NFIB: variants seen among roughly 807,000 people sequenced by gnomAD.
NFIB encodes the protein nuclear factor 1 B-type.
Under a neutral mutation model 61.5 loss-of-function variants are expected in NFIB, and 11 were observed. That is an observed-to-expected ratio of 0.18 (90% CI 0.11 to 0.30). The LOEUF is 0.30. NFIB is among the 10% of genes least tolerant of loss of function. The pLI, the probability that NFIB is intolerant of heterozygous loss-of-function variation, is 1.00. For missense variants in NFIB, 471 were observed against 608.9 expected, an observed-to-expected ratio of 0.77 and a Z score of 2.38; for synonymous variants, 260 against 216.5, an observed-to-expected ratio of 1.20 and a Z score of -1.76.
intron 2 of NFIB, among the ~76,000 whole-genome samples, chr9:14,221,088 T>G (rs2051611330): frequency 6.6e-6 from 1 of 152,158 alleles, no homozygotes. Context: ...CAGGAGTCTC[T>G]GCCCCTCCGA....
At chr9:14,406,754 T>C in the NFIB span, among the ~76,000 whole-genome samples, 2 of 152,202 alleles carry the variant, frequency 1.3e-5, no homozygotes, top group South Asian at 2.1e-4. Flanking sequence ...ATGGACTGTG[T>C]CTCCACTTGC....
At chr9:14,325,510 G>A (rs569244043) in intron 1 of NFIB, among the ~76,000 whole-genome samples, 1 of 152,182 alleles carries the variant, frequency 6.6e-6, no homozygotes, top group Non-Finnish European at 1.5e-5. Flanking sequence ...TAAAAGGCTT[G>A]CATTATTACA....
At chr9:14,455,839 A>C in the NFIB span, among the ~76,000 whole-genome samples, 21 of 152,342 alleles carry the variant, frequency 1.4e-4, no homozygotes, top group East Asian at 3.9e-3. Flanking sequence ...CATTCTAAAA[A>C]AGAATTATGA....
chr9:14,374,608 A>G (rs1044812420), intron 1 of NFIB, among the ~76,000 whole-genome samples: 2 of 152,216 alleles, frequency 1.3e-5, no homozygotes, highest in Admixed American at 1.3e-4. Context: ...TCTTTTAAAA[A>G]TTGAATTAAT....
intron 1 of NFIB, among the ~76,000 whole-genome samples, chr9:14,390,754 T>C (rs1431767112): frequency 6.6e-6 from 1 of 152,194 alleles, no homozygotes; most frequent in Non-Finnish European, 1.5e-5. Flanking sequence ...AGTGAGAAGA[T>C]GGCCATCTAT....
chr9:14,216,561 T>A (rs2050947141), intron 2 of NFIB, among the ~76,000 whole-genome samples: 1 of 60,924 alleles, frequency 1.6e-5, no homozygotes, highest in South Asian at 4.9e-4. Context: ...TGTGTGTGTG[T>A]GTGTGTGTGT....
the NFIB span, among the ~76,000 whole-genome samples, chr9:14,419,746 C>A: frequency 1.3e-5 from 2 of 152,128 alleles, no homozygotes; most frequent in African/African-American, 4.8e-5. Context: ...TTTGACAGTC[C>A]TCAGTGGCAT....
chr9:14,384,136 T>C (rs541817583), intron 1 of NFIB, among the ~76,000 whole-genome samples: 22 of 152,208 alleles, frequency 1.4e-4, no homozygotes, highest in African/African-American at 5.3e-4. Flanking sequence ...TTTGGAAAAA[T>C]ATCGACTGCA....
intron 7 of NFIB, among the ~76,000 whole-genome samples, chr9:14,121,010 C>G (rs926493876): frequency 6.6e-6 from 1 of 152,196 alleles, no homozygotes; most frequent in Non-Finnish European, 1.5e-5. Context: ...CACCTGTAAT[C>G]CCAGCACTTT....
At chr9:14,458,135 C>A in the NFIB span, among the ~76,000 whole-genome samples, 1 of 152,124 alleles carries the variant, frequency 6.6e-6, no homozygotes, top group African/African-American at 2.4e-5. Context: ...ACTGGCAAAC[C>A]AAATCCAGCA....
At chr9:14,475,801 T>C in the NFIB span, among the ~76,000 whole-genome samples, 13 of 152,246 alleles carry the variant, frequency 8.5e-5, no homozygotes, top group East Asian at 2.5e-3. Context: ...TCTCACAAAA[T>C]TTATGGTTTT....
chr9:14,407,911 T>C, the NFIB span, among the ~76,000 whole-genome samples: 1 of 152,158 alleles, frequency 6.6e-6, no homozygotes, highest in African/African-American at 2.4e-5. Context: ...GGTCTTGAAC[T>C]CTTGGCCTCA....
At chr9:14,164,101 T>C (rs10810100) in intron 3 of NFIB, among the ~76,000 whole-genome samples, 9,813 of 150,490 alleles carry the variant, frequency 0.065, 913 homozygotes, top group African/African-American at 0.21. Flanking sequence ...AAAGCTGAAA[T>C]TAACAGAATA....
intron 2 of NFIB, among the ~76,000 whole-genome samples, chr9:14,246,170 A>T (rs7048639): frequency 0.52 from 79,194 of 151,374 alleles, 23,363 homozygotes; most frequent in East Asian, 0.93. Context: ...AAAACTCGCC[A>T]GTCTAAAACC....
At chr9:14,442,054 T>G in the NFIB span, among the ~76,000 whole-genome samples, 4 of 152,146 alleles carry the variant, frequency 2.6e-5, no homozygotes, top group Non-Finnish European at 5.9e-5. Flanking sequence ...TCGGTATGAT[T>G]TTCTTCATCA....
intron 10 of NFIB, among the ~76,000 whole-genome samples, chr9:14,108,073 C>A (rs946908790): frequency 6.6e-6 from 1 of 152,168 alleles, no homozygotes; most frequent in Middle Eastern, 3.4e-3. Context: ...ATTTGCATAG[C>A]CATTATTTCG....
rs904053485 is a variant in NFIB at position 14,082,253 on chromosome 9, C to T, written c.*6056G>A. The T allele has an allele frequency of 2.9e-5, 6 of 203,968 alleles. No individual in the cohort carries two copies. The highest frequency in any genetic ancestry group is 1.4e-4 in the African/African-American group (6 of 43,652). The allele number at this position is 203,968 out of a possible 1,614,324, so 12.6% of individuals were successfully genotyped here. ...AAAATACAAGGTTCTGTATTTATGG[C>T]CCATGAGGACAAAATGCCAAAAGTT... On this transcript the variant is annotated 3_prime_UTR_variant, in exon 11 of 11. Transcript: ENST00000380953.
At chr9:14,476,336 A>G in the NFIB span, among the ~76,000 whole-genome samples, 2 of 151,814 alleles carry the variant, frequency 1.3e-5, no homozygotes, top group Non-Finnish European at 2.9e-5. Flanking sequence ...TCAATTTTTA[A>G]TTTATTTGTG....
chr9:14,313,932 T>G lies in NFIB; in HGVS notation c.-421A>C. 1 of 1,055,350 alleles carries G rather than the reference T, an allele frequency of 9.5e-7. No individual in the cohort carries two copies. The highest frequency in any genetic ancestry group is 1.1e-6 in the Non-Finnish European group (1 of 875,262). The allele number at this position is 1,055,350 out of a possible 1,614,324, so 65.4% of individuals were successfully genotyped here. On this transcript the variant is annotated 5_prime_UTR_variant, in exon 1 of 11. Coordinates refer to ENST00000380953, the MANE Select transcript of NFIB (RefSeq NM_001190737.2). This position sits in a 1 kb window ranked among gnomAD's most constrained non-coding sequence, Gnocchi z 4.5. Reference sequence around the variant, plus strand: ...GGGTGGTGGTTGGTGGTAAAATGCTTTTTCAAAAAAGGCGGGGAGGGGGGC... The same window carrying G: ...GGGTGGTGGTTGGTGGTAAAATGCTGTTTCAAAAAAGGCGGGGAGGGGGGC...
Sources: allele counts gnomAD v4.1 joint callset (sites outside exome capture counted in the v4.1 genomes callset), GRCh38; gene constraint gnomAD v4.1.1; non-coding constraint Gnocchi (gnomAD v3.1); transcripts MANE v1.5; gene names NCBI Gene and HGNC (gene_info 2026-07-23, HGNC 2026-07-21).